DIP2C: variants seen among roughly 807,000 people sequenced by gnomAD.
DIP2C encodes the protein disco-interacting protein 2 homolog C.
Under a neutral mutation model 192.4 loss-of-function variants are expected in DIP2C, and 33 were observed. That is an observed-to-expected ratio of 0.17 (90% CI 0.13 to 0.23). DIP2C has a LOEUF of 0.23. Among genes scored for constraint, DIP2C ranks in the 10% least tolerant of loss-of-function variants. The pLI, the probability that DIP2C is intolerant of heterozygous loss-of-function variation, is 1.00. For synonymous variants in DIP2C, 979 were observed against 864.1 expected (o/e 1.13, Z -2.33); for missense variants, 1,537 against 2,110.1 (o/e 0.73, Z 5.32).
intron 1 of DIP2C, among the ~76,000 whole-genome samples, chr10:506,191 G>A (rs1845584317): frequency 6.6e-6 from 1 of 152,104 alleles, no homozygotes; most frequent in South Asian, 2.1e-4. Context: ...GGATGCAGCT[G>A]GAGAGAGATG....
intron 1 of DIP2C, among the ~76,000 whole-genome samples, chr10:660,522 C>T (rs1455614290): frequency 6.6e-6 from 1 of 152,196 alleles, no homozygotes; most frequent in Non-Finnish European, 1.5e-5. Flanking sequence ...GAAACAGATT[C>T]TAGCTCTTGT....
At chr10:501,735 A>G (rs753469469) in intron 1 of DIP2C, among the ~76,000 whole-genome samples, 27 of 152,142 alleles carry the variant, frequency 1.8e-4, no homozygotes, top group Non-Finnish European at 3.8e-4. Context: ...ACACATAGGC[A>G]CCGCAATATC....
intron 3 of DIP2C, 168 bp from the exon 4 acceptor site, chr10:441,164 A>C: frequency 1.4e-6 from 1 of 718,878 alleles, no homozygotes; most frequent in Non-Finnish European, 2.1e-6. Flanking sequence ...AAAGACATTA[A>C]AATTCATTCA....
intron 2 of DIP2C, among the ~76,000 whole-genome samples, chr10:472,889 G>A (rs941246999): frequency 6.6e-6 from 1 of 152,216 alleles, no homozygotes; most frequent in South Asian, 2.1e-4. Flanking sequence ...CTCAAGTTAT[G>A]ACCTTTTAAT....
chr10:472,384 C>T (rs1478880936), intron 3 of DIP2C, 55 bp downstream of exon 3: 14 of 1,537,094 alleles, frequency 9.1e-6, no homozygotes, highest in Middle Eastern at 1.8e-4. Context: ...GGCACAGGCA[C>T]CGTCCTGGCA....
intron 1 of DIP2C, among the ~76,000 whole-genome samples, chr10:680,620 A>G (rs953075612): frequency 6.9e-6 from 1 of 144,388 alleles, no homozygotes; most frequent in Admixed American, 6.9e-5. Context: ...ACCTGCTGAT[A>G]ATTCCTTGGA....
chr10:661,627 A>G (rs1324695016), intron 1 of DIP2C, among the ~76,000 whole-genome samples: 2 of 152,142 alleles, frequency 1.3e-5, no homozygotes, highest in African/African-American at 4.8e-5. Flanking sequence ...CTGGACTCTA[A>G]GCAGGGCCTT....
At chr10:365,546 CA>C (rs1564619584) in intron 19 of DIP2C, among the ~76,000 whole-genome samples, 1 of 152,110 alleles carries the variant, frequency 6.6e-6, no homozygotes, top group Non-Finnish European at 1.5e-5. Context: ...CAACAACAAC[CA>C]AAAGTTCTAA....
At chr10:521,319 G>A (rs1846694000) in intron 1 of DIP2C, among the ~76,000 whole-genome samples, 1 of 152,198 alleles carries the variant, frequency 6.6e-6, no homozygotes, top group East Asian at 1.9e-4. Context: ...AGGATTACGA[G>A]CAGCCTGTGG....
rs562324537 is a variant in DIP2C, at chr10:567,736, C to T, written c.86-81206G>A. Among the ~76,000 whole-genome samples the T allele has an allele frequency of 3.4e-4, 52 of 152,302 alleles. 1 individual carries two copies. The highest frequency in any genetic ancestry group is 1.2e-3 in the African/African-American group (49 of 41,564). Reference sequence around the variant, plus strand: ...CACTGCAGCCTCCGCCTCCCAGGATCAAGGGATCCTCCTGCCTCAGCCTCC... The same window carrying T: ...CACTGCAGCCTCCGCCTCCCAGGATTAAGGGATCCTCCTGCCTCAGCCTCC... On this transcript the variant is annotated intron_variant, in intron 1 of 36. Transcript: ENST00000280886.
intron 17 of DIP2C, among the ~76,000 whole-genome samples, chr10:378,628 AAC>A (rs565460414): frequency 1.2e-4 from 17 of 145,318 alleles, no homozygotes; most frequent in East Asian, 2.1e-4. Context: ...AAGACACACG[AAC>A]ACAGACATGC....
At chr10:610,937 C>G (rs545231001) in intron 1 of DIP2C, among the ~76,000 whole-genome samples, 15 of 141,960 alleles carry the variant, frequency 1.1e-4, no homozygotes, top group African/African-American at 3.5e-4. Context: ...GGTTTCTAAC[C>G]CCCCCGTGTT....
intron 1 of DIP2C, among the ~76,000 whole-genome samples, chr10:571,036 C>G (rs1053687654): frequency 2.7e-4 from 41 of 152,218 alleles, no homozygotes; most frequent in Non-Finnish European, 5.3e-4. Flanking sequence ...CACGCTGGAC[C>G]GGCACTGGCC....
At chr10:575,889 C>T (rs1039695221) in intron 1 of DIP2C, among the ~76,000 whole-genome samples, 3 of 152,184 alleles carry the variant, frequency 2.0e-5, no homozygotes, top group Admixed American at 6.5e-5. Flanking sequence ...GTCTTACCTG[C>T]GCCTCTCCTC....
At chr10:672,621 G>A (rs1830706114) in intron 1 of DIP2C, among the ~76,000 whole-genome samples, 2 of 152,242 alleles carry the variant, frequency 1.3e-5, no homozygotes, top group South Asian at 2.1e-4. Flanking sequence ...ATTGGCTGGC[G>A]ACCGCTTAGA....
chr10:425,994 T>C (rs1966575093), intron 4 of DIP2C, among the ~76,000 whole-genome samples: 1 of 152,218 alleles, frequency 6.6e-6, no homozygotes, highest in Non-Finnish European at 1.5e-5. Context: ...TATTTGACAT[T>C]ATCTGGCAGG....
At chr10:428,914 A>G (rs1966761778) in intron 4 of DIP2C, among the ~76,000 whole-genome samples, 1 of 151,686 alleles carries the variant, frequency 6.6e-6, no homozygotes, top group African/African-American at 2.4e-5. Flanking sequence ...AATTTCTTCT[A>G]TCATATTTTC....
At chr10:620,549 CAAG>C (rs1169060377) in intron 1 of DIP2C, among the ~76,000 whole-genome samples, 2 of 152,212 alleles carry the variant, frequency 1.3e-5, no homozygotes, top group Non-Finnish European at 2.9e-5. Flanking sequence ...AAGCACCAGA[CAAG>C]AAATTAAGCA....
chr10:477,836 GAGAA>G (rs1843198845), intron 2 of DIP2C, among the ~76,000 whole-genome samples: 2 of 133,528 alleles, frequency 1.5e-5, no homozygotes, highest in South Asian at 5.3e-4. Flanking sequence ...AAGGAGAAGG[GAGAA>G]AGAAAAAAGG....
Sources: gnomAD v4.1 joint callset for allele counts (sites outside exome capture counted in the v4.1 genomes callset) on GRCh38, gnomAD v4.1.1 for gene constraint, MANE v1.5 for transcripts, NCBI Gene and HGNC (gene_info 2026-07-23, HGNC 2026-07-21) for gene names.